Variants in WDPCP observed in about 807,000 individuals in gnomAD.
WDPCP encodes the protein WD repeat-containing and planar cell polarity effector protein fritz homolog.
WDPCP carries 71 observed loss-of-function variants against 93.1 expected under a neutral mutation model. The ratio of observed to expected loss-of-function variants is 0.76; its 90% CI spans 0.63 to 0.93. The LOEUF is 0.93. Among genes scored for constraint, WDPCP ranks in the 40% least tolerant of loss-of-function variants. The pLI is 0.00. For missense variants in WDPCP, 844 were observed against 887.4 expected (o/e 0.95, Z 0.62); for synonymous variants, 315 against 315.0 (o/e 1.00, Z 0.00).
At chr2:63,201,565 A>T (rs1171391591) in intron 14 of WDPCP, among the ~76,000 whole-genome samples, 1 of 152,190 alleles carries the variant, frequency 6.6e-6, no homozygotes, top group Non-Finnish European at 1.5e-5. Flanking sequence ...CAATTTTGAC[A>T]ATTTCCTCTT....
At chr2:63,177,192 C>T (rs374991629) in intron 14 of WDPCP, among the ~76,000 whole-genome samples, 2 of 152,108 alleles carry the variant, frequency 1.3e-5, no homozygotes, top group East Asian at 3.8e-4. Flanking sequence ...AGAAAGACCT[C>T]TTTTTCCCTT....
intron 9 of WDPCP, among the ~76,000 whole-genome samples, chr2:63,429,817 T>G (rs1696595703): frequency 6.6e-6 from 1 of 152,152 alleles, no homozygotes; most frequent in Admixed American, 6.5e-5. Flanking sequence ...CCATTCGACC[T>G]AGCCATCCTA....
intron 3 of WDPCP, chr2:63,597,685 T>G: frequency 1.0e-6 from 1 of 974,816 alleles, no homozygotes; most frequent in Non-Finnish European, 1.4e-6. Context: ...TTCTGTACAA[T>G]CATCAGTAAA....
At chr2:63,346,600 G>A (rs1689209752) in intron 12 of WDPCP, among the ~76,000 whole-genome samples, 2 of 152,204 alleles carry the variant, frequency 1.3e-5, no homozygotes, top group East Asian at 3.9e-4. Context: ...GGAACTGCCT[G>A]TTATTGTTCT....
intron 14 of WDPCP, among the ~76,000 whole-genome samples, chr2:63,185,461 C>T (rs148344730): frequency 6.6e-6 from 1 of 150,380 alleles, no homozygotes; most frequent in East Asian, 2.0e-4. Flanking sequence ...GGCTGTTTGG[C>T]TTTGCTTCCG....
At chr2:63,327,952 A>G (rs1687686645) in intron 12 of WDPCP, among the ~76,000 whole-genome samples, 1 of 152,034 alleles carries the variant, frequency 6.6e-6, no homozygotes, top group South Asian at 2.1e-4. Context: ...GGACACTACA[A>G]CTGCAGGGTC....
At chr2:63,330,938 A>G (rs906147600) in intron 12 of WDPCP, among the ~76,000 whole-genome samples, 32 of 138,496 alleles carry the variant, frequency 2.3e-4, no homozygotes, top group Admixed American at 6.6e-4. Context: ...AGGTACTATC[A>G]TGGCTCACTG....
chr2:63,163,019 A>G (rs1262149866), intron 15 of WDPCP, among the ~76,000 whole-genome samples: 1 of 152,188 alleles, frequency 6.6e-6, no homozygotes, highest in Non-Finnish European at 1.5e-5. Flanking sequence ...AGTTCCATAA[A>G]AGAGCTGTGA....
chr2:63,267,724 C>A (rs1682259572), intron 13 of WDPCP, among the ~76,000 whole-genome samples: 1 of 151,892 alleles, frequency 6.6e-6, no homozygotes, highest in East Asian at 1.9e-4. Flanking sequence ...ATGAAAAACA[C>A]TCAACATCTC....
intron 13 of WDPCP, among the ~76,000 whole-genome samples, chr2:63,312,918 A>G (rs1686285700): frequency 1.3e-5 from 2 of 152,110 alleles, no homozygotes; most frequent in Non-Finnish European, 2.9e-5. Flanking sequence ...TTTTCTTCAG[A>G]GAATGGATTA....
At chr2:63,301,288 T>C (rs1685312735) in intron 13 of WDPCP, among the ~76,000 whole-genome samples, 1 of 152,196 alleles carries the variant, frequency 6.6e-6, no homozygotes. Flanking sequence ...TACTGTCCCA[T>C]CAGCAGGAAA....
rs151110535 is a variant in WDPCP, at chr2:63,542,137, G to C, written c.75+46060C>G. On this transcript the variant is annotated intron_variant, in intron 1 of 17. Coordinates refer to ENST00000272321, the MANE Select transcript of WDPCP (RefSeq NM_015910.7). ...GAATGAACTATATATTTAACAGAGCGTGTCAAATGTGAGGACTCCCATTCT... is the reference window on the plus strand; with the variant it reads ...GAATGAACTATATATTTAACAGAGCCTGTCAAATGTGAGGACTCCCATTCT... Among the ~76,000 whole-genome samples the C allele has an allele frequency of 1.5e-4, 23 of 152,212 alleles. No homozygotes were observed. The East Asian group carries it at 4.4e-3, about 29-fold the overall frequency.
At chr2:63,514,943 A>T (rs578012878) in intron 1 of WDPCP, among the ~76,000 whole-genome samples, 2 of 152,272 alleles carry the variant, frequency 1.3e-5, no homozygotes, top group South Asian at 4.2e-4. Flanking sequence ...CCAGGGCTGC[A>T]AATAACACAG....
At chr2:63,668,114 T>G (rs1403927364) in intron 2 of WDPCP, among the ~76,000 whole-genome samples, 1 of 152,170 alleles carries the variant, frequency 6.6e-6, no homozygotes, top group South Asian at 2.1e-4. Flanking sequence ...TGGCAACAGA[T>G]AGGTGGCCAC....
chr2:63,159,993 T>G (rs1456199387), intron 15 of WDPCP, among the ~76,000 whole-genome samples: 3 of 152,214 alleles, frequency 2.0e-5, no homozygotes, highest in Non-Finnish European at 4.4e-5. Flanking sequence ...CCTCCATGGT[T>G]GCACTTGACT....
chr2:63,502,578 C>A (rs530262646), intron 1 of WDPCP, among the ~76,000 whole-genome samples: 1 of 152,096 alleles, frequency 6.6e-6, no homozygotes, highest in Non-Finnish European at 1.5e-5. Flanking sequence ...AACCAAACAT[C>A]TTTTCATGGA....
chr2:63,836,738 T>C, the WDPCP span, among the ~76,000 whole-genome samples: 1 of 152,116 alleles, frequency 6.6e-6, no homozygotes, highest in Non-Finnish European at 1.5e-5. Flanking sequence ...CTCATGGGTG[T>C]CACCATTTCT....
intron 3 of WDPCP, among the ~76,000 whole-genome samples, chr2:63,638,809 A>G (rs1248882902): frequency 3.4e-5 from 5 of 148,946 alleles, no homozygotes; most frequent in South Asian, 4.3e-4. Context: ...AAAAAAAAAA[A>G]GGAAAAAATC....
intron 10 of WDPCP, among the ~76,000 whole-genome samples, chr2:63,394,504 A>G (rs1402807590): frequency 2.0e-5 from 3 of 152,164 alleles, no homozygotes; most frequent in Non-Finnish European, 4.4e-5. Flanking sequence ...CTTGAAACAG[A>G]ATTGCCATTC....
Sources: gnomAD v4.1 joint callset for allele counts (sites outside exome capture counted in the v4.1 genomes callset) on GRCh38, gnomAD v4.1.1 for gene constraint, MANE v1.5 for transcripts, NCBI Gene and HGNC (gene_info 2026-07-23, HGNC 2026-07-21) for gene names.